The following PDE1C variants were observed in gnomAD, a reference collection of about 807,000 sequenced individuals.
PDE1C encodes phosphodiesterase 1C, also known as dual specificity calcium/calmodulin-dependent 3',5'-cyclic nucleotide phosphodiesterase 1C.
In PDE1C, 62 loss-of-function variants were observed where a neutral mutation model predicts 93.1. The ratio of observed to expected loss-of-function variants is 0.67; its 90% CI spans 0.54 to 0.82. The LOEUF (loss-of-function observed/expected upper bound fraction) is 0.82, where lower values mean the gene tolerates loss of function less well. PDE1C is among the 40% of genes least tolerant of loss of function. The probability of loss-of-function intolerance (pLI) is 0.00; values close to 1 mark genes in which losing one functional copy is unlikely to be tolerated. For synonymous variants in PDE1C, 325 were observed against 310.1 expected, an observed-to-expected ratio of 1.05 and a Z score of -0.50; for missense variants, 742 against 884.6, an observed-to-expected ratio of 0.84 and a Z score of 2.04.
At chr7:32,358,546 G>T (rs1433361500) in intron 1 of PDE1C, among the ~76,000 whole-genome samples, 1 of 152,096 alleles carries the variant, frequency 6.6e-6, no homozygotes, top group African/African-American at 2.4e-5. Flanking sequence ...GGGCAAGTGG[G>T]GGTGTGGAAA....
intron 13 of PDE1C, among the ~76,000 whole-genome samples, chr7:31,823,670 A>G (rs1317586077): frequency 6.6e-6 from 1 of 151,964 alleles, no homozygotes; most frequent in Non-Finnish European, 1.5e-5. Flanking sequence ...CTTTCTTTCC[A>G]GCTCTACCAT....
intron 3 of PDE1C, among the ~76,000 whole-genome samples, chr7:32,083,510 G>C (rs1317076247): frequency 6.6e-6 from 1 of 152,012 alleles, no homozygotes; most frequent in Non-Finnish European, 1.5e-5. Flanking sequence ...ATGCCACAAA[G>C]ATACTCCTCA....
chr7:32,065,034 T>C (rs1056948672), intron 1 of PDE1C, among the ~76,000 whole-genome samples: 28 of 104,036 alleles, frequency 2.7e-4, no homozygotes, highest in African/African-American at 1.0e-3. Flanking sequence ...GGCCAACTAC[T>C]TCTGACGGAA....
intron 2 of PDE1C, among the ~76,000 whole-genome samples, chr7:31,923,088 G>C (rs919700191): frequency 3.3e-5 from 5 of 152,258 alleles, no homozygotes; most frequent in African/African-American, 1.2e-4. Flanking sequence ...GAGCTGGGGG[G>C]ACTCCGAGTG....
chr7:31,963,911 T>C (rs759440419), intron 2 of PDE1C, among the ~76,000 whole-genome samples: 9 of 152,232 alleles, frequency 5.9e-5, no homozygotes, highest in East Asian at 5.8e-4. Flanking sequence ...CTTATGGAGT[T>C]AGTAAATACT....
At chr7:31,651,302 C>T in the PDE1C span, 154 of 1,605,522 alleles carry the variant, frequency 9.6e-5, no homozygotes, top group Non-Finnish European at 1.3e-4. Context: ...AAAGTAAGTA[C>T]CAGCCCACAC....
intron 2 of PDE1C, among the ~76,000 whole-genome samples, chr7:31,948,623 C>T (rs1285043087): frequency 6.6e-6 from 1 of 152,078 alleles, no homozygotes; most frequent in Non-Finnish European, 1.5e-5. Context: ...TCTTAATTGT[C>T]CCTGTCATTG....
At chr7:32,384,298 G>A (rs1331726311) in intron 1 of PDE1C, among the ~76,000 whole-genome samples, 1 of 152,138 alleles carries the variant, frequency 6.6e-6, no homozygotes, top group South Asian at 2.1e-4. Context: ...TATAATCCAG[G>A]ATGTTCTCAG....
At chr7:31,659,979 C>T in the PDE1C span, among the ~76,000 whole-genome samples, 11 of 152,124 alleles carry the variant, frequency 7.2e-5, 1 homozygote, top group East Asian at 2.1e-3. Context: ...TGCAGTTGTC[C>T]TCATGTTGTT....
At chr7:31,921,355 C>G (rs1802599568) in intron 2 of PDE1C, among the ~76,000 whole-genome samples, 1 of 152,170 alleles carries the variant, frequency 6.6e-6, no homozygotes, top group South Asian at 2.1e-4. Flanking sequence ...GTTAGCGATT[C>G]TGAAAGGAGT....
At chr7:32,034,696 T>C (rs1293838689) in intron 2 of PDE1C, among the ~76,000 whole-genome samples, 2 of 152,100 alleles carry the variant, frequency 1.3e-5, no homozygotes, top group Non-Finnish European at 2.9e-5. Context: ...TGTCACTATA[T>C]CCCAATACCT....
At position 31,880,783 on chromosome 7, in the gene PDE1C, G is replaced by T; in HGVS notation, c.206C>A (p.Ala69Asp). 6.2e-7 allele frequency: 1 copy of T among 1,609,428 alleles called. No individual in the cohort carries two copies. Among genetic ancestry groups the T allele is most frequent in the Non-Finnish European group, 8.5e-7 (1 of 1,176,016 alleles). ...VDLKKNLEYA[A>D]TVLESVYIDE... Reference sequence around the variant, plus strand: ...AATATACACAGATTCAAGCACTGTGGCTGCATATTCCAAATTCTTCTTAAG... The same window carrying T: ...AATATACACAGATTCAAGCACTGTGTCTGCATATTCCAAATTCTTCTTAAG... The change falls in exon 3 of 18, where the codon GCC becomes GAC. Residue 69 changes from alanine (A) to aspartate (D), a missense_variant. Around this residue, in one of 4 missense-constraint regions of PDE1C, gnomAD observed 74 missense variants for 88.2 expected, o/e 0.84. Transcript: ENST00000396191.
intron 2 of PDE1C, among the ~76,000 whole-genome samples, chr7:32,028,207 T>C (rs963715675): frequency 6.6e-6 from 1 of 152,186 alleles, no homozygotes; most frequent in African/African-American, 2.4e-5. Flanking sequence ...CATGTGACCA[T>C]GGTAGCCACA....
intron 1 of PDE1C, among the ~76,000 whole-genome samples, chr7:32,337,658 G>A (rs1318217343): frequency 6.6e-6 from 1 of 152,128 alleles, no homozygotes; most frequent in East Asian, 1.9e-4. Flanking sequence ...GATAATTGGG[G>A]ATTGTCCATA....
chr7:31,933,777 T>C (rs1804654061), intron 2 of PDE1C, among the ~76,000 whole-genome samples: 1 of 152,218 alleles, frequency 6.6e-6, no homozygotes, highest in Non-Finnish European at 1.5e-5. Flanking sequence ...CCCACTGCCT[T>C]GCTCATGCTT....
At chr7:31,846,560 T>C (rs1249228653) in intron 9 of PDE1C, among the ~76,000 whole-genome samples, 1 of 152,052 alleles carries the variant, frequency 6.6e-6, no homozygotes, top group Admixed American at 6.6e-5. Flanking sequence ...ATTCAGGATA[T>C]AGGTATGGGC....
At chr7:32,164,023 A>G (rs1038930233) in intron 3 of PDE1C, among the ~76,000 whole-genome samples, 8 of 152,214 alleles carry the variant, frequency 5.3e-5, no homozygotes, top group African/African-American at 1.9e-4. Flanking sequence ...AGCATTACTC[A>G]AATCATGTAG....
At chr7:32,038,783 C>A (rs1791445598) in intron 2 of PDE1C, among the ~76,000 whole-genome samples, 1 of 152,096 alleles carries the variant, frequency 6.6e-6, no homozygotes, top group Admixed American at 6.5e-5. Flanking sequence ...ACAAAAAGCA[C>A]CCTTTAAACA....
chr7:31,974,260 A>G (rs977179848), intron 2 of PDE1C, among the ~76,000 whole-genome samples: 1 of 152,242 alleles, frequency 6.6e-6, no homozygotes, highest in Non-Finnish European at 1.5e-5. Flanking sequence ...TCTCAAATAC[A>G]GAAAGCAGGT....
Sources: gnomAD v4.1 joint callset for allele counts (sites outside exome capture counted in the v4.1 genomes callset) on GRCh38, gnomAD v4.1.1 for gene constraint, gnomAD v4.1.1 regional missense constraint, MANE v1.5 for transcripts, NCBI Gene and HGNC (gene_info 2026-07-23, HGNC 2026-07-21) for gene names.